The following ENTREP3 variants were observed in gnomAD, a reference collection of about 807,000 sequenced individuals.
ENTREP3 encodes the protein protein ENTREP3.
chr1:155,255,077 A>T, the ENTREP3 span: 1 of 599,356 alleles, frequency 1.7e-6, no homozygotes. The surrounding 1 kb of genome is among the most constrained non-coding windows in gnomAD (Gnocchi z 5.6). Context: ...GGGACCGCGG[A>T]GTGCTCCCTC....
At chr1:155,251,170 G>C in the ENTREP3 span, 4 of 1,598,570 alleles carry the variant, frequency 2.5e-6, no homozygotes, top group Non-Finnish European at 3.4e-6. Context: ...GTGGCCTGCA[G>C]AAGACACAGG....
At chr1:155,247,505 A>T in the ENTREP3 span, 2 of 681,326 alleles carry the variant, frequency 2.9e-6, no homozygotes, top group Admixed American at 4.1e-5. Context: ...TCTCATTCTG[A>T]GGGGGACAAG....
At chr1:155,253,700 A>C in the ENTREP3 span, 2 of 1,611,294 alleles carry the variant, frequency 1.2e-6, no homozygotes, top group South Asian at 2.2e-5. Context: ...TAGCGGCACA[A>C]ATGGTGAGCC....
At chr1:155,253,850 C>A in the ENTREP3 span, 41 of 1,613,050 alleles carry the variant, frequency 2.5e-5, 1 homozygote, top group Middle Eastern at 6.6e-4. Context: ...TTGCAGGGTG[C>A]AAGCTCACCT....
chr1:155,249,843 G>A, the ENTREP3 span, among the ~76,000 whole-genome samples: 1 of 150,188 alleles, frequency 6.7e-6, no homozygotes, highest in Admixed American at 6.6e-5. Context: ...CCCAGATCGC[G>A]CGGCTGCACT....
the ENTREP3 span, chr1:155,253,954 G>C: frequency 6.2e-7 from 1 of 1,613,102 alleles, no homozygotes; most frequent in Admixed American, 1.7e-5. Context: ...GGAACAGAGG[G>C]ACAGCACACA....
chr1:155,254,626 C>G, the ENTREP3 span: 1 of 1,600,394 alleles, frequency 6.2e-7, no homozygotes, highest in East Asian at 2.2e-5. The surrounding 1 kb of genome is among the most constrained non-coding windows in gnomAD (Gnocchi z 4.4). Context: ...GAGCCTCCCC[C>G]ACCCAACAAC....
the ENTREP3 span, chr1:155,250,420 T>TGGGGGGGGGGGGGG: frequency 2.8e-6 from 1 of 361,170 alleles, no homozygotes; most frequent in Non-Finnish European, 5.4e-6. The surrounding 1 kb of genome is among the most constrained non-coding windows in gnomAD (Gnocchi z 5.4). Flanking sequence ...GGGGCTCGGG[T>TGGGGGGGGGGGGGG]GGGCGGGGCT....
chr1:155,251,547 G>A, the ENTREP3 span: 1 of 1,613,962 alleles, frequency 6.2e-7, no homozygotes, highest in South Asian at 1.1e-5. Context: ...AAGAAGGGGG[G>A]CAATCGGTAG....
the ENTREP3 span, among the ~76,000 whole-genome samples, chr1:155,252,269 CT>C: frequency 6.6e-6 from 1 of 151,944 alleles, no homozygotes; most frequent in African/African-American, 2.4e-5. Flanking sequence ...GCGATCTCAG[CT>C]CACTGCAACC....
chr1:155,250,049 G>A, the ENTREP3 span, among the ~76,000 whole-genome samples: 13 of 151,172 alleles, frequency 8.6e-5, no homozygotes, highest in Non-Finnish European at 1.6e-4. The surrounding 1 kb of genome is among the most constrained non-coding windows in gnomAD (Gnocchi z 5.4). Context: ...CAGAGCCAGA[G>A]ACTCCGTCTC....
chr1:155,251,430 G>A, the ENTREP3 span: 1 of 1,098,670 alleles, frequency 9.1e-7, no homozygotes, highest in South Asian at 1.3e-5. Flanking sequence ...TTATCCAGAG[G>A]CTACAGCCTG....
chr1:155,252,680 AATTT>A, the ENTREP3 span: 1 of 60,272 alleles, frequency 1.7e-5, no homozygotes, highest in African/African-American at 9.0e-5. Flanking sequence ...TAATTTTTGT[AATTT>A]TGTGTGTATA....
At chr1:155,253,835 G>A in the ENTREP3 span, 1 of 1,611,762 alleles carries the variant, frequency 6.2e-7, no homozygotes, top group Non-Finnish European at 8.5e-7. Context: ...GAACCAGGAG[G>A]ATGTTTGCAG....
At chr1:155,249,137 G>C in the ENTREP3 span, among the ~76,000 whole-genome samples, 1 of 151,804 alleles carries the variant, frequency 6.6e-6, no homozygotes, top group Non-Finnish European at 1.5e-5. Context: ...ACCCAGGCTG[G>C]AGTGCAGTGG....
At chr1:155,247,601 C>T in the ENTREP3 span, 1 of 730,466 alleles carries the variant, frequency 1.4e-6, no homozygotes, top group Non-Finnish European at 2.5e-6. Context: ...GAAGCTCTCC[C>T]AGTCCAGAGC....
the ENTREP3 span, chr1:155,255,210 G>T: frequency 2.3e-6 from 1 of 437,442 alleles, no homozygotes; most frequent in Non-Finnish European, 4.2e-6. This position sits in a 1 kb window ranked among gnomAD's most constrained non-coding sequence, Gnocchi z 5.6. Context: ...AGTGAGGAGG[G>T]GGCGGCGGCC....
At chr1:155,253,936 G>A in the ENTREP3 span, 4 of 1,612,710 alleles carry the variant, frequency 2.5e-6, no homozygotes, top group Non-Finnish European at 3.4e-6. Context: ...GGACAGGGCC[G>A]GAGGAGGGGA....
the ENTREP3 span, chr1:155,251,992 A>C: frequency 2.1e-6 from 2 of 971,574 alleles, no homozygotes; most frequent in Non-Finnish European, 2.9e-6. Flanking sequence ...CATCTACATT[A>C]TTTTTTCTGG....
Sources: allele counts gnomAD v4.1 joint callset (sites outside exome capture counted in the v4.1 genomes callset), GRCh38; gene constraint gnomAD v4.1.1; non-coding constraint Gnocchi (gnomAD v3.1); transcripts MANE v1.5; gene names NCBI Gene and HGNC (gene_info 2026-07-23, HGNC 2026-07-21).